The following CDH12 variants were observed in gnomAD, a reference collection of about 807,000 sequenced individuals.
CDH12 encodes the protein cadherin 12, also known as cadherin-12.
Under a neutral mutation model 74.1 loss-of-function variants are expected in CDH12, and 41 were observed. That is an observed-to-expected ratio of 0.55 (90% CI 0.43 to 0.72). The LOEUF (loss-of-function observed/expected upper bound fraction) is 0.72. Ranked by LOEUF, CDH12 falls within the 30% of genes least tolerant of loss-of-function variation. The probability of loss-of-function intolerance (pLI) is 0.00; values close to 1 mark genes in which losing one functional copy is unlikely to be tolerated. For synonymous variants in CDH12, 399 were observed against 355.0 expected (o/e 1.12, Z -1.39); for missense variants, 945 against 977.2 (o/e 0.97, Z 0.44).
At chr5:22,026,703 G>A (rs1738383419) in intron 5 of CDH12, among the ~76,000 whole-genome samples, 1 of 152,130 alleles carries the variant, frequency 6.6e-6, no homozygotes, top group African/African-American at 2.4e-5. Context: ...TCCATATAGT[G>A]TGTGAGCCCT....
At chr5:22,403,660 A>G (rs1235945965) in intron 3 of CDH12, among the ~76,000 whole-genome samples, 1 of 152,216 alleles carries the variant, frequency 6.6e-6, no homozygotes, top group Non-Finnish European at 1.5e-5. Flanking sequence ...CTACCTTAAT[A>G]GAATTAACAT....
chr5:22,545,829 T>G (rs976286899), intron 1 of CDH12, among the ~76,000 whole-genome samples: 2 of 152,208 alleles, frequency 1.3e-5, no homozygotes, highest in African/African-American at 4.8e-5. Flanking sequence ...CAAAGTTATC[T>G]GAGAAAAAAT....
chr5:22,360,681 A>G (rs776918228), intron 3 of CDH12, among the ~76,000 whole-genome samples: 5 of 152,206 alleles, frequency 3.3e-5, no homozygotes, highest in Non-Finnish European at 7.3e-5. Flanking sequence ...AAAATCCTCA[A>G]TAAAATACTG....
intron 4 of CDH12, among the ~76,000 whole-genome samples, chr5:22,154,248 T>C (rs924490781): frequency 3.3e-5 from 5 of 151,310 alleles, no homozygotes; most frequent in Non-Finnish European, 1.5e-5. Context: ...GTGAGAACAT[T>C]TAAGACCTAC....
intron 3 of CDH12, among the ~76,000 whole-genome samples, chr5:22,283,251 T>TATATATATATATACACACACACAC (rs1282673054): frequency 9.8e-6 from 1 of 102,064 alleles, no homozygotes; most frequent in African/African-American, 4.1e-5. Context: ...TATATATATA[T>TATATATATATATACACACACACAC]ACACACACAC....
intron 2 of CDH12, among the ~76,000 whole-genome samples, chr5:22,499,438 C>T (rs1747243681): frequency 6.6e-6 from 1 of 152,058 alleles, no homozygotes; most frequent in East Asian, 1.9e-4. Context: ...CTGTATCTAC[C>T]TTCTCTAGAA....
chr5:21,980,892 C>T (rs966693474), intron 5 of CDH12, among the ~76,000 whole-genome samples: 27 of 152,038 alleles, frequency 1.8e-4, no homozygotes, highest in African/African-American at 6.3e-4. Context: ...GAATTTATTA[C>T]ATCAGTTTAA....
intron 1 of CDH12, among the ~76,000 whole-genome samples, chr5:22,687,717 T>G (rs1561577977): frequency 2.0e-5 from 3 of 152,220 alleles, no homozygotes; most frequent in Non-Finnish European, 4.4e-5. Context: ...GCCTGGCTCA[T>G]GCTCCACACA....
At chr5:22,147,191 T>TC (rs1747243431) in intron 4 of CDH12, among the ~76,000 whole-genome samples, 1 of 152,190 alleles carries the variant, frequency 6.6e-6, no homozygotes, top group Non-Finnish European at 1.5e-5. Context: ...AAAATTAATT[T>TC]CCAGGACCAT....
chr5:22,301,070 T>C (rs1333000522), intron 3 of CDH12, among the ~76,000 whole-genome samples: 2 of 142,720 alleles, frequency 1.4e-5, no homozygotes. Context: ...TATTAAAAAT[T>C]GTGTGGATTT....
intron 6 of CDH12, among the ~76,000 whole-genome samples, chr5:21,958,930 A>G (rs1418456194): frequency 6.6e-6 from 1 of 152,144 alleles, no homozygotes; most frequent in Non-Finnish European, 1.5e-5. Context: ...TGAGCATGAT[A>G]TGTTTTCCAT....
chr5:21,842,353 A>G (rs1475802667), intron 7 of CDH12, 25 bp from the exon 8 acceptor site: 2 of 1,493,380 alleles, frequency 1.3e-6, no homozygotes, highest in Non-Finnish European at 1.8e-6. Context: ...GCAATAATGT[A>G]AAATAAATAT....
intron 6 of CDH12, among the ~76,000 whole-genome samples, chr5:21,862,133 G>A (rs1427645369): frequency 6.6e-6 from 1 of 151,886 alleles, no homozygotes; most frequent in Non-Finnish European, 1.5e-5. Context: ...AGTTGTGTTT[G>A]GTAAACTTAT....
intron 5 of CDH12, among the ~76,000 whole-genome samples, chr5:22,014,046 G>A (rs1302348875): frequency 1.3e-5 from 2 of 152,168 alleles, no homozygotes; most frequent in African/African-American, 2.4e-5. Flanking sequence ...GGCCCACATG[G>A]TGAAAACCCA....
chr5:22,343,319 CACACAGAGAGAGAGAG>C (rs1275309417), intron 3 of CDH12, among the ~76,000 whole-genome samples: 2 of 131,044 alleles, frequency 1.5e-5, no homozygotes, highest in African/African-American at 6.9e-5. Context: ...CACAGACACA[CACACAGAGAGAGAGAG>C]AGAGAGAGAG....
chr5:22,124,300 T>C (rs1401043676), intron 4 of CDH12, among the ~76,000 whole-genome samples: 1 of 152,246 alleles, frequency 6.6e-6, no homozygotes, highest in Non-Finnish European at 1.5e-5. Context: ...ATTTTTTGTA[T>C]TTTTAGTGGA....
At chr5:22,007,657 A>G (rs368723856) in intron 5 of CDH12, among the ~76,000 whole-genome samples, 2 of 152,176 alleles carry the variant, frequency 1.3e-5, no homozygotes, top group East Asian at 3.9e-4. Context: ...TAGGTTGAGA[A>G]ATGTAAATAA....
At chr5:22,808,135 A>T (rs1326268086) in intron 1 of CDH12, among the ~76,000 whole-genome samples, 1 of 152,206 alleles carries the variant, frequency 6.6e-6, no homozygotes, top group Admixed American at 6.5e-5. Flanking sequence ...TACATAAAAG[A>T]CTACATACAA....
At chr5:22,111,534 A>C (rs1410524166) in intron 4 of CDH12, among the ~76,000 whole-genome samples, 1 of 152,190 alleles carries the variant, frequency 6.6e-6, no homozygotes, top group Non-Finnish European at 1.5e-5. Context: ...TTTCATTTAC[A>C]TAATCATATT....
Sources: allele counts gnomAD v4.1 joint callset (sites outside exome capture counted in the v4.1 genomes callset), GRCh38; gene constraint gnomAD v4.1.1; transcripts MANE v1.5; gene names NCBI Gene and HGNC (gene_info 2026-07-23, HGNC 2026-07-21).